Variants in NTRK2 observed in about 807,000 individuals in gnomAD.
The protein encoded by NTRK2 is neurotrophic receptor tyrosine kinase 2.
NTRK2 carries 13 observed loss-of-function variants against 94.5 expected under a neutral mutation model. That is an observed-to-expected ratio of 0.14 (90% CI 0.09 to 0.22). The LOEUF is 0.22. NTRK2 is among the 10% of genes least tolerant of loss of function. NTRK2 has a pLI of 1.00. For synonymous variants in NTRK2, 372 were observed against 407.4 expected (o/e 0.91, Z 1.05); for missense variants, 639 against 1,071.2 (o/e 0.60, Z 5.63).
At chr9:84,913,099 C>G (rs1286549356) in intron 14 of NTRK2, among the ~76,000 whole-genome samples, 1 of 152,084 alleles carries the variant, frequency 6.6e-6, no homozygotes, top group East Asian at 1.9e-4. Context: ...TCTGTTTGTT[C>G]TCTTTGATTG....
rs112055469 is a variant in NTRK2 at position 84,958,501 on chromosome 9, A to C, written c.2172+2984A>C. Among the ~76,000 whole-genome samples the C allele has an allele frequency of 3.1e-4, 47 of 152,344 alleles. 1 individual carries two copies. The highest frequency in any genetic ancestry group is 1.1e-3 in the African/African-American group (46 of 41,584). On this transcript the variant is annotated intron_variant, in intron 17 of 18. Coordinates refer to ENST00000277120, the MANE Select transcript of NTRK2 (RefSeq NM_006180.6). ...GATTCCCAGTTCCTTTATTTGTTACATGATCTTGGAACTGGCTGAGTCACT... is the reference window on the plus strand; with the variant it reads ...GATTCCCAGTTCCTTTATTTGTTACCTGATCTTGGAACTGGCTGAGTCACT...
At chr9:85,010,140 C>T (rs1410697687) in intron 17 of NTRK2, among the ~76,000 whole-genome samples, 2 of 152,148 alleles carry the variant, frequency 1.3e-5, no homozygotes, top group Non-Finnish European at 2.9e-5. Flanking sequence ...GCAGAGAAGC[C>T]TTTGCTTTTC....
chr9:84,839,722 G>C (rs755480504), intron 12 of NTRK2, among the ~76,000 whole-genome samples: 1 of 152,252 alleles, frequency 6.6e-6, no homozygotes, highest in Non-Finnish European at 1.5e-5. Context: ...CAGCGTGCCT[G>C]TGGGTTTTCT....
chr9:84,721,597 G>A (rs544277482), intron 6 of NTRK2, among the ~76,000 whole-genome samples: 15 of 152,228 alleles, frequency 9.9e-5, no homozygotes, highest in African/African-American at 3.6e-4. Flanking sequence ...GTGTGTAAGC[G>A]AGCCTATATT....
intron 14 of NTRK2, among the ~76,000 whole-genome samples, chr9:84,916,851 A>G (rs983239524): frequency 6.6e-6 from 1 of 152,214 alleles, no homozygotes; most frequent in Non-Finnish European, 1.5e-5. Context: ...TTGAATTTCA[A>G]GAGAGAGATG....
rs61094948 is a variant in NTRK2 at position 84,816,778 on chromosome 9, CAAAAAA to C, written c.1397-44246_1397-44241del. ...TGGATGACACAGCAAGACTCCATCT[CAAAAAA>C]AAAAAAAAAAAAAAAGAAAAGAAAA... is the stretch of plus-strand genomic sequence containing the variant. On this transcript the variant is annotated intron_variant, in intron 12 of 18. Transcript: ENST00000277120. 1.5e-4 allele frequency among the ~76,000 whole-genome samples: 12 copies of C among 82,638 alleles called. No homozygotes were observed. The East Asian group carries it at 4.1e-3, about 28-fold the overall frequency. The allele number at this position is 82,638 out of a possible 152,430, so 54.2% of individuals were successfully genotyped here.
chr9:84,810,402 G>A (rs2071639917), intron 12 of NTRK2: 2 of 809,502 alleles, frequency 2.5e-6, no homozygotes, highest in Admixed American at 4.4e-5. Flanking sequence ...ATTGCTCTAT[G>A]GTTTAAAGTG....
At position 84,872,146 on chromosome 9, in the gene NTRK2, C is replaced by T. The variant is rs199760616; in HGVS notation, c.1633+4715C>T. 6.0e-5 allele frequency: 75 copies of T among 1,242,496 alleles called. No individual in the cohort carries two copies. In the African/African-American group the frequency reaches 6.7e-4, roughly 11 times the overall value. 77.0% of individuals were successfully genotyped at this position (1,242,496 alleles called of 1,614,324 possible). On this transcript the variant is annotated intron_variant, in intron 14 of 18. Transcript: ENST00000277120. ...CTTTAACTCAACTAGCTCGTTTAGACGTGTCTGAACACCACATCACCTGAC... is the reference window on the plus strand; with the variant it reads ...CTTTAACTCAACTAGCTCGTTTAGATGTGTCTGAACACCACATCACCTGAC...
At chr9:84,960,376 A>T (rs74479669) in intron 17 of NTRK2, among the ~76,000 whole-genome samples, 229 of 152,354 alleles carry the variant, frequency 1.5e-3, no homozygotes, top group African/African-American at 5.4e-3. Context: ...GTCCTGAGCC[A>T]CAGAAGGGAG....
chr9:84,769,259 A>G (rs12555679), intron 12 of NTRK2, among the ~76,000 whole-genome samples: 7,334 of 152,258 alleles, frequency 0.048, 227 homozygotes, highest in African/African-American at 0.069. Context: ...AATTAATTGC[A>G]TGTGTTACTT....
intron 12 of NTRK2, among the ~76,000 whole-genome samples, chr9:84,804,490 G>A (rs1388541566): frequency 1.3e-5 from 2 of 152,194 alleles, no homozygotes; most frequent in East Asian, 3.9e-4. Context: ...GCAGAGCCAA[G>A]CAACTCACAT....
At chr9:85,004,937 T>C (rs1372272604) in intron 17 of NTRK2, among the ~76,000 whole-genome samples, 1 of 152,200 alleles carries the variant, frequency 6.6e-6, no homozygotes, top group Non-Finnish European at 1.5e-5. Flanking sequence ...ATCCTAAAGC[T>C]GAAGTCCCAA....
chr9:84,760,939 G>A lies in NTRK2; in HGVS notation c.1396+8854G>A, dbSNP rs77603368. On this transcript the variant is annotated intron_variant, in intron 12 of 18. Transcript: ENST00000277120. ...TACAGCCTGCTAGAAAGGAAAAGAG[G>A]GATTGTCAAGAAATTAAATTCTTCC... Among the ~76,000 whole-genome samples, 1,483 of 152,184 alleles carry A rather than the reference G, an allele frequency of 9.7e-3. 28 individuals are homozygous for A. Among genetic ancestry groups the A allele is most frequent in the African/African-American group, 0.033 (1,386 of 41,514 alleles).
intron 2 of NTRK2, among the ~76,000 whole-genome samples, chr9:84,678,665 C>T (rs532723358): frequency 2.6e-5 from 4 of 152,208 alleles, no homozygotes; most frequent in African/African-American, 9.6e-5. Context: ...GACATCATAG[C>T]CCCTAGATTC....
chr9:84,890,770 C>T (rs965496673), intron 14 of NTRK2, among the ~76,000 whole-genome samples: 8 of 152,144 alleles, frequency 5.3e-5, no homozygotes, highest in Non-Finnish European at 7.3e-5. Context: ...CACAAGGCTA[C>T]CCTTGATCAT....
At chr9:84,987,794 A>G (rs2133286192) in intron 17 of NTRK2, among the ~76,000 whole-genome samples, 1 of 152,354 alleles carries the variant, frequency 6.6e-6, no homozygotes, top group Non-Finnish European at 1.5e-5. Context: ...TTAATGGTAG[A>G]ACTTCTGAAC....
rs1832888134 is a variant in NTRK2, at chr9:85,023,558, A to G, written c.*2121A>G. ...TATATGCTGGCCTATGAGAGATGAG[A>G]GTTGGGTCGTTTGTTCTCTTTGTTG... On this transcript the variant is annotated 3_prime_UTR_variant, in exon 19 of 19. Coordinates refer to ENST00000277120, the MANE Select transcript of NTRK2 (RefSeq NM_006180.6). 4.3e-6 allele frequency: 1 copy of G among 232,436 alleles called. No homozygotes were observed. Among genetic ancestry groups the G allele is most frequent in the African/African-American group, 2.2e-5 (1 of 45,204 alleles). The allele number at this position is 232,436 out of a possible 1,614,324, so 14.4% of individuals were successfully genotyped here. A position where few individuals can be genotyped will look rare whatever the true frequency, so the allele number is the denominator to read the frequency against.
At chr9:84,989,862 T>C (rs1470162286) in intron 17 of NTRK2, among the ~76,000 whole-genome samples, 1 of 152,238 alleles carries the variant, frequency 6.6e-6, no homozygotes, top group East Asian at 1.9e-4. Flanking sequence ...AAGGCAAATT[T>C]ATTTAATCTC....
intron 12 of NTRK2, chr9:84,813,538 A>G: frequency 9.4e-7 from 1 of 1,065,358 alleles, no homozygotes; most frequent in Non-Finnish European, 1.1e-6. Context: ...CTTTGTTACC[A>G]CAAGCTAAGA....
Sources: allele counts gnomAD v4.1 joint callset (sites outside exome capture counted in the v4.1 genomes callset), GRCh38; gene constraint gnomAD v4.1.1; transcripts MANE v1.5; gene names NCBI Gene and HGNC (gene_info 2026-07-23, HGNC 2026-07-21).